The following GINM1 variants were observed in gnomAD, a reference collection of about 807,000 sequenced individuals.
GINM1 encodes glycoprotein integral membrane protein 1.
In GINM1, 29 loss-of-function variants were observed where a neutral mutation model predicts 37.8. That is an observed-to-expected ratio of 0.77 (90% confidence interval 0.57 to 1.05). The LOEUF (loss-of-function observed/expected upper bound fraction) is 1.05, where lower values mean the gene tolerates loss of function less well. Ranked by LOEUF, GINM1 falls within the 50% of genes least tolerant of loss-of-function variation. The pLI is 0.00. For missense variants in GINM1, 377 were observed against 397.9 expected, an observed-to-expected ratio of 0.95 and a Z score of 0.45; for synonymous variants, 143 against 146.2, an observed-to-expected ratio of 0.98 and a Z score of 0.16.
chr6:149,572,582 A>C lies in GINM1; in HGVS notation c.256A>C (p.Ile86Leu). 6.3e-7 allele frequency: 1 copy of C among 1,592,084 alleles called. No homozygotes were observed. The part of the protein sequence containing the change: ...DLPVNSGVTR[I>L]SCQTLIVKNE... ...ACCTGTAAATAGTGGTGTAACCCGAATAAGCTGTCAGACTTTGATAGGTGA... is the reference window on the plus strand; with the variant it reads ...ACCTGTAAATAGTGGTGTAACCCGACTAAGCTGTCAGACTTTGATAGGTGA... The change falls in exon 3 of 8, where the codon ATA (isoleucine) becomes CTA (leucine). Residue 86 changes from isoleucine to leucine, a missense_variant. Transcript: ENST00000367419.
At chr6:149,572,078 A>AAAT (rs140440002) in intron 1 of GINM1, among the ~76,000 whole-genome samples, 1 of 150,170 alleles carries the variant, frequency 6.7e-6, no homozygotes, top group East Asian at 2.0e-4. Flanking sequence ...AGACTCTCAA[A>AAAT]AAATAAATAA....
rs539022223 is a variant in GINM1, at chr6:149,586,257, A to T, written c.881+3654A>T. On this transcript the variant is annotated intron_variant, in intron 7 of 7. Transcript: ENST00000367419. ...GCTTCGCAAGGCAAAGCATGTGCAG[A>T]GATCACATATCAAGAAAAGAAGCAA... Among the ~76,000 whole-genome samples the T allele has an allele frequency of 2.0e-5, 3 of 152,312 alleles. No individual in the cohort carries two copies. The South Asian group carries it at 6.2e-4, about 32-fold the overall frequency.
chr6:149,567,168 G>T (rs1052483287), intron 1 of GINM1, among the ~76,000 whole-genome samples: 4 of 152,204 alleles, frequency 2.6e-5, no homozygotes, highest in Non-Finnish European at 5.9e-5. Flanking sequence ...AGCAGTCCGG[G>T]TTGGAGAGTC....
chr6:149,580,250 T>C (rs1407139225), intron 5 of GINM1, among the ~76,000 whole-genome samples: 2 of 152,212 alleles, frequency 1.3e-5, no homozygotes, highest in Non-Finnish European at 2.9e-5. Context: ...AGTGACATTT[T>C]TCAGTAATTA....
intron 1 of GINM1, among the ~76,000 whole-genome samples, chr6:149,568,770 T>G (rs776853310): frequency 2.6e-5 from 4 of 152,244 alleles, no homozygotes; most frequent in Non-Finnish European, 4.4e-5. Flanking sequence ...TTTCTGTTTT[T>G]ATGTATGCAG....
At chr6:149,571,329 A>C (rs1777818916) in intron 1 of GINM1, among the ~76,000 whole-genome samples, 1 of 151,474 alleles carries the variant, frequency 6.6e-6, no homozygotes, top group Admixed American at 6.6e-5. Context: ...AAAAAAAAAA[A>C]AGTCATTGCA....
chr6:149,579,197 G>T (rs1374581300), intron 4 of GINM1, among the ~76,000 whole-genome samples: 1 of 152,098 alleles, frequency 6.6e-6, no homozygotes, highest in East Asian at 1.9e-4. Flanking sequence ...AAAATGTACA[G>T]ACATTATTAA....
intron 5 of GINM1, 74 bp downstream of exon 5, chr6:149,580,064 CT>C: frequency 1.1e-6 from 1 of 941,222 alleles, no homozygotes; most frequent in South Asian, 2.4e-5. Flanking sequence ...TACTCTTGAA[CT>C]TTGTTATTTT....
chr6:149,570,139 T>C (rs1418714332), intron 1 of GINM1, among the ~76,000 whole-genome samples: 2 of 2,794 alleles, frequency 7.2e-4, no homozygotes, highest in Non-Finnish European at 6.5e-3. Flanking sequence ...GTAGGTTTTA[T>C]ATATATATAT....
intron 3 of GINM1, among the ~76,000 whole-genome samples, chr6:149,575,417 T>C (rs181922023): frequency 5.9e-5 from 9 of 152,374 alleles, no homozygotes; most frequent in Admixed American, 2.6e-4. Context: ...ACACTTCATT[T>C]TCTCCCCTGC....
rs1344238867 is a variant in GINM1 at position 149,590,717 on chromosome 6, T to C, written c.882-10T>C. ...TAATTTTGATAGTAATTAATCACTT[T>C]CTATTTCAGAGGAATTCTTCAGTTG... On this transcript the variant is annotated splice_polypyrimidine_tract_variant and intron_variant, in intron 7 of 7. Coordinates refer to ENST00000367419, the MANE Select transcript of GINM1 (RefSeq NM_138785.5). The C allele has an allele frequency of 2.2e-6, 3 of 1,362,070 alleles. No homozygotes were observed. The highest frequency in any genetic ancestry group is 3.1e-6 in the Non-Finnish European group (3 of 958,774). The allele number at this position is 1,362,070 out of a possible 1,614,324, so 84.4% of individuals were successfully genotyped here. A position where few individuals can be genotyped will look rare whatever the true frequency, so the allele number is the denominator to read the frequency against.
intron 7 of GINM1, among the ~76,000 whole-genome samples, chr6:149,584,826 T>TATATAGAG (rs538714477): frequency 2.7e-5 from 4 of 148,252 alleles, no homozygotes; most frequent in African/African-American, 9.9e-5. Context: ...TATATATATA[T>TATATAGAG]AGAGAGAGAG....
At chr6:149,579,291 T>C (rs1777961948) in intron 4 of GINM1, among the ~76,000 whole-genome samples, 1 of 152,200 alleles carries the variant, frequency 6.6e-6, no homozygotes, top group African/African-American at 2.4e-5. Flanking sequence ...TGTGTGTAAA[T>C]GAAGTAGAAT....
In GINM1 at chr6:149,591,085, A is replaced by AGT; in HGVS notation, c.*247_*248insGT. ...CAATGCGGGCGGATCACGAGGTCAGATCAAGACCATCCTGCCAACATGGTG... is the reference window on the plus strand; with the variant it reads ...CAATGCGGGCGGATCACGAGGTCAGAGTTCAAGACCATCCTGCCAACATGGTG... On this transcript the variant is annotated 3_prime_UTR_variant, in exon 8 of 8. Coordinates refer to ENST00000367419, the MANE Select transcript of GINM1 (RefSeq NM_138785.5). 9.2e-6 allele frequency: 3 copies of AGT among 324,492 alleles called. No homozygotes were observed. Among genetic ancestry groups the AGT allele is most frequent in the African/African-American group, 2.2e-5 (1 of 46,414 alleles). The allele number at this position is 324,492 out of a possible 1,614,324, so 20.1% of individuals were successfully genotyped here.
At chr6:149,581,359 A>G (rs1195577271) in intron 6 of GINM1, among the ~76,000 whole-genome samples, 1 of 152,098 alleles carries the variant, frequency 6.6e-6, no homozygotes, top group Non-Finnish European at 1.5e-5. Context: ...GAGTTTCACC[A>G]TGTTGGCCAG....
At chr6:149,580,885 T>C in intron 6 of GINM1, 162 bp downstream of exon 6, 1 of 578,608 alleles carries the variant, frequency 1.7e-6, no homozygotes, top group East Asian at 3.0e-5. Context: ...GTATTCCTAT[T>C]TTCCTCTTCG....
chr6:149,580,080 A>G, intron 5 of GINM1, 90 bp downstream of exon 5: 1 of 813,700 alleles, frequency 1.2e-6, no homozygotes, highest in South Asian at 2.5e-5. Context: ...TATTTTTTAC[A>G]CTATTTGCAA....
intron 3 of GINM1, among the ~76,000 whole-genome samples, chr6:149,576,801 C>A (rs1777921555): frequency 6.6e-6 from 1 of 152,068 alleles, no homozygotes; most frequent in African/African-American, 2.4e-5. Flanking sequence ...TAATTTTATG[C>A]TGTATTAGAG....
intron 1 of GINM1, among the ~76,000 whole-genome samples, chr6:149,568,607 A>G (rs1777757989): frequency 6.6e-6 from 1 of 152,258 alleles, no homozygotes; most frequent in South Asian, 2.1e-4. Flanking sequence ...AGTGTGTACC[A>G]TATTGAACAG....
Sources: gnomAD v4.1 joint callset for allele counts (sites outside exome capture counted in the v4.1 genomes callset) on GRCh38, gnomAD v4.1.1 for gene constraint, MANE v1.5 for transcripts, NCBI Gene and HGNC (gene_info 2026-07-23, HGNC 2026-07-21) for gene names.